The following BORCS8 variants were observed in gnomAD, a reference collection of about 807,000 sequenced individuals.
The protein encoded by BORCS8 is BLOC-1 related complex subunit 8, also known as BLOC-1-related complex subunit 8.
A neutral mutation model predicts 18.7 loss-of-function variants in BORCS8; 13 were observed. That is an observed-to-expected ratio of 0.70 (90% CI 0.45 to 1.11). BORCS8 has a LOEUF of 1.11. BORCS8 is among the 50% of genes least tolerant of loss of function. BORCS8 has a pLI of 0.00. For missense variants in BORCS8, 165 were observed against 165.7 expected, an observed-to-expected ratio of 1.00 and a Z score of 0.02; for synonymous variants, 68 against 64.8, an observed-to-expected ratio of 1.05 and a Z score of -0.24.
In BORCS8 at chr19:19,180,825, G is replaced by A. The variant is rs191064792; in HGVS notation, c.327-64C>T. On this transcript the variant is annotated intron_variant, in intron 4 of 5. Transcript: ENST00000462790. ...CAGAGGCCACAAGGCTTGCTCAGCT[G>A]GCTGGAGTGTATGTTTGGGTGATAC... The A allele has an allele frequency of 1.2e-4, 175 of 1,470,516 alleles. 1 individual carries two copies. In the African/African-American group the frequency reaches 2.2e-3, roughly 18 times the overall value. 91.1% of individuals were successfully genotyped at this position (1,470,516 alleles called of 1,614,324 possible). A position where few individuals can be genotyped will look rare whatever the true frequency, so the allele number is the denominator to read the frequency against.
At chr19:19,188,588 T>C (rs1455171126) in intron 1 of BORCS8, among the ~76,000 whole-genome samples, 2 of 152,134 alleles carry the variant, frequency 1.3e-5, no homozygotes, top group Non-Finnish European at 1.5e-5. Flanking sequence ...CCACAGGACC[T>C]GAAAGTGCCT....
chr19:19,177,690 AAGGAAG>A (rs1280814741), intron 5 of BORCS8: 637 of 55,562 alleles, frequency 0.011, 33 homozygotes, highest in East Asian at 0.083. Context: ...GGAAGGAAGG[AAGGAAG>A]AGAAAAGAAA....
chr19:19,186,045 C>A lies in BORCS8; in HGVS notation c.204G>T (p.Glu68Asp), dbSNP rs2060405397. 1.3e-6 allele frequency: 2 copies of A among 1,551,104 alleles called. No homozygotes were observed. Among genetic ancestry groups the A allele is most frequent in the East Asian group, 4.9e-5 (2 of 40,924 alleles). ...EQSQGAIYTV[E>D]YACSAVKNLV... ...GCTGTGGCGCTCACCTGCAGGCGTA[C>A]TCCACAGTGTAGATGGCTCCCTGGC... Residue 68 changes from glutamate to aspartate, a missense_variant, in exon 3 of 6, where the codon GAG becomes GAT. Coordinates refer to ENST00000462790, the MANE Select transcript of BORCS8 (RefSeq NM_001145784.2).
intron 4 of BORCS8, 72 bp from the exon 5 acceptor site, chr19:19,180,833 T>C (rs1599751747): frequency 1.4e-6 from 2 of 1,450,210 alleles, no homozygotes; most frequent in South Asian, 1.4e-5. Context: ...CTGGCTGGAG[T>C]GTATGTTTGG....
intron 4 of BORCS8, among the ~76,000 whole-genome samples, chr19:19,181,151 C>T (rs888598022): frequency 3.3e-5 from 5 of 150,382 alleles, no homozygotes. Flanking sequence ...GCTAAGATCG[C>T]ACCAGTGCAC....
rs369618700 is a variant in BORCS8 at position 19,182,679 on chromosome 19, C to G, written c.220G>C (p.Val74Leu). 2 of 1,550,102 alleles carry G rather than the reference C, an allele frequency of 1.3e-6. No individual in the cohort carries two copies. The highest frequency in any genetic ancestry group is 1.4e-5 in the African/African-American group (1 of 73,104). ...IYTVEYACSA[V>L]KNLVDSSVYF... The stretch of plus-strand genomic sequence containing the variant: ...ACGCTGCTGTCCACCAGGTTCTTCA[C>G]GGCGCTGAAACGGGAGGACAGGCCT... Residue 74 changes from valine (V) to leucine (L), a missense_variant, in exon 4 of 6, where the codon GTG becomes CTG. Coordinates refer to ENST00000462790, the MANE Select transcript of BORCS8 (RefSeq NM_001145784.2). The surrounding 1 kb of genome is among the most constrained non-coding windows in gnomAD (Gnocchi z 4.1).
rs1441085699 is a variant in BORCS8 at position 19,176,962 on chromosome 19, G to C, written c.*541C>G. 4 of 152,228 alleles carry C rather than the reference G, an allele frequency of 2.6e-5. No individual in the cohort carries two copies. Among genetic ancestry groups the C allele is most frequent in the Non-Finnish European group, 4.4e-5 (3 of 68,084 alleles). 9.4% of individuals were successfully genotyped at this position (152,228 alleles called of 1,614,324 possible). A position where few individuals can be genotyped will look rare whatever the true frequency, so the allele number is the denominator to read the frequency against. On this transcript the variant is annotated 3_prime_UTR_variant, in exon 6 of 6. Coordinates refer to ENST00000462790, the MANE Select transcript of BORCS8 (RefSeq NM_001145784.2). ...GAAACTGAAGAAATGAAATTGGCTA[G>C]TGTCAGGTACAGTTGGATCCAGGGC...
intron 3 of BORCS8, among the ~76,000 whole-genome samples, chr19:19,185,762 C>G (rs1463860647): frequency 6.6e-6 from 1 of 152,236 alleles, no homozygotes; most frequent in Admixed American, 6.5e-5. Flanking sequence ...ACTGGCCCAT[C>G]TGTCCTGGCT....
chr19:19,191,651 T>A lies in BORCS8; in HGVS notation c.37+430A>T, dbSNP rs139317942. Among the ~76,000 whole-genome samples the A allele has an allele frequency of 9.3e-4, 142 of 152,100 alleles. 1 individual carries two copies. The Middle Eastern group carries it at 0.02, about 22-fold the overall frequency. On this transcript the variant is annotated intron_variant, in intron 1 of 5. Transcript: ENST00000462790. Reference sequence around the variant, plus strand: ...GTGCAGTGGCACGACCGTAGCCCACTGCAGTGCAGCCTTGACCTCCCGGGC... The same window carrying A: ...GTGCAGTGGCACGACCGTAGCCCACAGCAGTGCAGCCTTGACCTCCCGGGC...
At chr19:19,190,790 A>T (rs2060461595) in intron 1 of BORCS8, among the ~76,000 whole-genome samples, 1 of 152,126 alleles carries the variant, frequency 6.6e-6, no homozygotes, top group Non-Finnish European at 1.5e-5. Flanking sequence ...CTCCGTCTCA[A>T]ATAAAAAAAA....
At chr19:19,190,872 A>G (rs568173355) in intron 1 of BORCS8, among the ~76,000 whole-genome samples, 1 of 152,168 alleles carries the variant, frequency 6.6e-6, no homozygotes, top group Non-Finnish European at 1.5e-5. Flanking sequence ...TCCGTTATCC[A>G]TGGTTCCCGA....
At chr19:19,190,545 T>C (rs2060457048) in intron 1 of BORCS8, among the ~76,000 whole-genome samples, 1 of 152,148 alleles carries the variant, frequency 6.6e-6, no homozygotes, top group South Asian at 2.1e-4. Context: ...TTCCAGAACT[T>C]TGGGAGGCCG....
In BORCS8 at chr19:19,182,695, GGAC is replaced by G; in HGVS notation, c.216-15_216-13del. 6.5e-7 allele frequency: 1 copy of G among 1,548,568 alleles called. No individual in the cohort carries two copies. On this transcript the variant is annotated splice_polypyrimidine_tract_variant and intron_variant, in intron 3 of 5. Coordinates refer to ENST00000462790, the MANE Select transcript of BORCS8 (RefSeq NM_001145784.2). This position sits in a 1 kb window ranked among gnomAD's most constrained non-coding sequence, Gnocchi z 4.1. ...GGTTCTTCACGGCGCTGAAACGGGA[GGAC>G]AGGCCTGGTCAGCGCTCCGGACCTG...
intron 1 of BORCS8, among the ~76,000 whole-genome samples, chr19:19,189,150 C>T (rs977633117): frequency 1.3e-5 from 2 of 152,148 alleles, no homozygotes; most frequent in South Asian, 2.1e-4. Context: ...ATTAATTGCA[C>T]GCAAATCCTC....
chr19:19,183,161 C>A (rs1238390478), intron 3 of BORCS8, among the ~76,000 whole-genome samples: 1 of 152,130 alleles, frequency 6.6e-6, no homozygotes, highest in African/African-American at 2.4e-5. Flanking sequence ...GTAATCCCAG[C>A]ACTCTGGGAG....
intron 3 of BORCS8, among the ~76,000 whole-genome samples, chr19:19,185,562 T>A (rs1381572926): frequency 6.6e-6 from 1 of 152,196 alleles, no homozygotes; most frequent in Non-Finnish European, 1.5e-5. Context: ...GGCGGGCGCC[T>A]GTAGTCCCAG....
chr19:19,182,818 G>T lies in BORCS8; in HGVS notation c.216-135C>A, dbSNP rs2060362378. Reference sequence around the variant, plus strand: ...CGGGCTTCCCGAAGGACTCACAGTGGGCTTACATTTTAGATTTCCCTGCTA... The same window carrying T: ...CGGGCTTCCCGAAGGACTCACAGTGTGCTTACATTTTAGATTTCCCTGCTA... On this transcript the variant is annotated intron_variant, in intron 3 of 5. Coordinates refer to ENST00000462790, the MANE Select transcript of BORCS8 (RefSeq NM_001145784.2). This position sits in a 1 kb window ranked among gnomAD's most constrained non-coding sequence, Gnocchi z 4.1. 8.4e-7 allele frequency: 1 copy of T among 1,185,722 alleles called. No homozygotes were observed. The highest frequency in any genetic ancestry group is 1.1e-6 in the Non-Finnish European group (1 of 874,478). The allele number at this position is 1,185,722 out of a possible 1,614,324, so 73.5% of individuals were successfully genotyped here.
chr19:19,183,914 C>A (rs1457166550), intron 3 of BORCS8, among the ~76,000 whole-genome samples: 1 of 147,894 alleles, frequency 6.8e-6, no homozygotes, highest in East Asian at 2.0e-4. Flanking sequence ...TTTTTTGAGA[C>A]AAAGTCTCAC....
rs1187951907 is a variant in BORCS8 at position 19,186,988 on chromosome 19, C to T, written c.55G>A (p.Glu19Lys). Residue 19 changes from glutamate (E) to lysine (K), a missense_variant, in exon 2 of 6, where the codon GAG (glutamate) becomes AAG (lysine). Glu to Lys is a moderately conservative substitution (Grantham distance 56). Coordinates refer to ENST00000462790, the MANE Select transcript of BORCS8 (RefSeq NM_001145784.2). ...TCGTTGGCCAGGACGTAGACGCTCT[C>T]AGTGAACTTGTCCGTGACTAGATAC... The part of the protein sequence containing the change: ...KGKKVTDKFT[E>K]SVYVLANEPS... The T allele has an allele frequency of 3.2e-6, 5 of 1,551,176 alleles. No homozygotes were observed. Among genetic ancestry groups the T allele is most frequent in the Non-Finnish European group, 3.5e-6 (4 of 1,146,760 alleles).
Sources: gnomAD v4.1 joint callset for allele counts (sites outside exome capture counted in the v4.1 genomes callset) on GRCh38, gnomAD v4.1.1 for gene constraint, Gnocchi (gnomAD v3.1) non-coding constraint, MANE v1.5 for transcripts, NCBI Gene and HGNC (gene_info 2026-07-23, HGNC 2026-07-21) for gene names.